The following TCP11L1 variants were observed in gnomAD, a reference collection of about 807,000 sequenced individuals.
TCP11L1 encodes t-complex 11 like 1.
In TCP11L1, 28 loss-of-function variants were observed where a neutral mutation model predicts 48.9. The ratio of observed to expected loss-of-function variants is 0.57; its 90% CI spans 0.42 to 0.78. TCP11L1 has a LOEUF of 0.78. Ranked by LOEUF, TCP11L1 falls within the 30% of genes least tolerant of loss-of-function variation. TCP11L1 has a pLI of 0.00. For missense variants in TCP11L1, 505 were observed against 613.4 expected (o/e 0.82, Z 1.87); for synonymous variants, 204 against 231.9 (o/e 0.88, Z 1.09).
chr11:33,058,622 G>T (rs1180815005), intron 5 of TCP11L1, among the ~76,000 whole-genome samples: 2 of 151,694 alleles, frequency 1.3e-5, no homozygotes, highest in East Asian at 1.9e-4. Flanking sequence ...CCTCTCAGAG[G>T]CATAATCACT....
At chr11:33,047,657 T>C (rs995926268) in intron 2 of TCP11L1, among the ~76,000 whole-genome samples, 2 of 152,250 alleles carry the variant, frequency 1.3e-5, no homozygotes, top group African/African-American at 4.8e-5. Context: ...CTTTGAATTA[T>C]GGTGTCTCTG....
chr11:33,061,900 G>A (rs917256385), intron 7 of TCP11L1, among the ~76,000 whole-genome samples, 174 bp downstream of exon 7: 20 of 152,094 alleles, frequency 1.3e-4, no homozygotes, highest in Non-Finnish European at 5.9e-5. Flanking sequence ...GGGCAACATG[G>A]CAAAACACCC....
chr11:33,054,521 C>T, intron 2 of TCP11L1, 72 bp from the exon 3 acceptor site: 1 of 1,554,080 alleles, frequency 6.4e-7, no homozygotes, highest in South Asian at 1.2e-5. Context: ...GGTACCAGAA[C>T]CACTGTTTTC....
At chr11:33,061,455 G>A in intron 6 of TCP11L1, 75 bp from the exon 7 acceptor site, 17 of 1,384,202 alleles carry the variant, frequency 1.2e-5, no homozygotes, top group Non-Finnish European at 1.6e-5. Flanking sequence ...CCAGGACATC[G>A]ATTGTCCCTT....
intron 2 of TCP11L1, among the ~76,000 whole-genome samples, chr11:33,044,283 G>C (rs1211915996): frequency 6.6e-6 from 1 of 151,910 alleles, no homozygotes; most frequent in Non-Finnish European, 1.5e-5. Flanking sequence ...TTCCAGCCAG[G>C]ACTGTGCTTG....
At chr11:33,058,679 T>G (rs531083474) in intron 5 of TCP11L1, among the ~76,000 whole-genome samples, 1 of 152,354 alleles carries the variant, frequency 6.6e-6, no homozygotes, top group South Asian at 2.1e-4. Flanking sequence ...TTAATTTCCT[T>G]CAACATTTTC....
chr11:33,048,464 T>C (rs1854063250), intron 2 of TCP11L1, among the ~76,000 whole-genome samples: 1 of 152,238 alleles, frequency 6.6e-6, no homozygotes, highest in Non-Finnish European at 1.5e-5. Flanking sequence ...TTGAGAACTC[T>C]CACAAAACAA....
intron 1 of TCP11L1, among the ~76,000 whole-genome samples, chr11:33,043,056 ACT>A (rs1351868636): frequency 2.0e-5 from 3 of 152,146 alleles, no homozygotes; most frequent in African/African-American, 7.2e-5. Flanking sequence ...AAAGAGCGAA[ACT>A]CTGTCTCAAA....
chr11:33,072,802 A>G lies in TCP11L1; in HGVS notation c.*126A>G, dbSNP rs1049416469. 2 of 1,015,632 alleles carry G rather than the reference A, an allele frequency of 2.0e-6. No homozygotes were observed. The highest frequency in any genetic ancestry group is 4.8e-5 in the East Asian group (2 of 41,638). The allele number at this position is 1,015,632 out of a possible 1,614,324, so 62.9% of individuals were successfully genotyped here. A position where few individuals can be genotyped will look rare whatever the true frequency, so the allele number is the denominator to read the frequency against. Reference sequence around the variant, plus strand: ...TTTAACAGCACCGATTCCAAAGGGAAGAATATTGTGTATCACTGTTGAAAA... The same window carrying G: ...TTTAACAGCACCGATTCCAAAGGGAGGAATATTGTGTATCACTGTTGAAAA... On this transcript the variant is annotated 3_prime_UTR_variant, in exon 10 of 10. Transcript: ENST00000334274.
At chr11:33,059,148 A>G (rs1451524953) in intron 6 of TCP11L1, 53 bp downstream of exon 6, 1 of 1,592,180 alleles carries the variant, frequency 6.3e-7, no homozygotes, top group African/African-American at 1.4e-5. Context: ...TTTTCATTTT[A>G]GCTGCCATAG....
chr11:33,050,005 TC>T (rs1441347089), intron 2 of TCP11L1, among the ~76,000 whole-genome samples: 1 of 152,214 alleles, frequency 6.6e-6, no homozygotes, highest in East Asian at 1.9e-4. Context: ...GTGTATTGTG[TC>T]CCTGGGTACT....
At chr11:33,040,463 T>C (rs1481666200) in intron 1 of TCP11L1, 3 of 152,230 alleles carry the variant, frequency 2.0e-5, no homozygotes, top group Admixed American at 2.0e-4. Context: ...GGCCCAGGTA[T>C]GTCTGAAACC....
intron 1 of TCP11L1, chr11:33,040,764 A>ACCTCCTCTCCC (rs149741969): frequency 1.4e-5 from 2 of 146,090 alleles, no homozygotes; most frequent in East Asian, 2.0e-4. Flanking sequence ...CCTCCTTTTC[A>ACCTCCTCTCCC]CCTCCTCTCC....
intron 2 of TCP11L1, among the ~76,000 whole-genome samples, chr11:33,044,895 T>C (rs749698395): frequency 6.6e-6 from 1 of 152,222 alleles, no homozygotes; most frequent in Non-Finnish European, 1.5e-5. Context: ...TCTGTTTTCC[T>C]GTCTTTAAAA....
At chr11:33,071,130 C>T (rs1343797080) in intron 9 of TCP11L1, among the ~76,000 whole-genome samples, 1 of 151,504 alleles carries the variant, frequency 6.6e-6, no homozygotes, top group Non-Finnish European at 1.5e-5. Context: ...GCCCGGGCAA[C>T]ATGGTGAAAC....
At chr11:33,066,699 A>G (rs895507922) in intron 8 of TCP11L1, among the ~76,000 whole-genome samples, 7 of 152,026 alleles carry the variant, frequency 4.6e-5, no homozygotes, top group African/African-American at 1.7e-4. Context: ...CTGACCTCCA[A>G]GGTTCTTGTG....
Position 33,051,953 on chromosome 11 carries a change from C to T in TCP11L1, c.164-2640C>T, listed in dbSNP as rs191929288. Among the ~76,000 whole-genome samples, 208 of 151,730 alleles carry T rather than the reference C, an allele frequency of 1.4e-3. 1 individual carries two copies. The highest frequency in any genetic ancestry group is 4.8e-3 in the African/African-American group (200 of 41,352). ...GGCTTTTCGAGGTCTTTTGTGTTTC[C>T]CTATACATTTTAGAATTAGTTTGTC... is the stretch of plus-strand genomic sequence containing the variant. On this transcript the variant is annotated intron_variant, in intron 2 of 9. Coordinates refer to ENST00000334274, the MANE Select transcript of TCP11L1 (RefSeq NM_018393.4).
intron 4 of TCP11L1, 83 bp from the exon 5 acceptor site, chr11:33,057,836 C>A: frequency 1.7e-6 from 2 of 1,204,706 alleles, no homozygotes; most frequent in South Asian, 1.6e-5. Context: ...TTGAGAAGCC[C>A]TTATTTGGAT....
chr11:33,062,329 G>A (rs1854492040), intron 7 of TCP11L1, among the ~76,000 whole-genome samples: 1 of 133,160 alleles, frequency 7.5e-6, no homozygotes, highest in South Asian at 2.6e-4. Context: ...TGAAGCCACA[G>A]ATCTGCTTTC....
Sources: gnomAD v4.1 joint callset for allele counts (sites outside exome capture counted in the v4.1 genomes callset) on GRCh38, gnomAD v4.1.1 for gene constraint, MANE v1.5 for transcripts, NCBI Gene and HGNC (gene_info 2026-07-23, HGNC 2026-07-21) for gene names.